Variants in AGAP1 observed in about 807,000 individuals in gnomAD.
AGAP1 encodes ArfGAP with GTPase domain, ankyrin repeat and PH domain 1, also known as arf-GAP with GTPase, ANK repeat and PH domain-containing protein 1.
Under a neutral mutation model 105.3 loss-of-function variants are expected in AGAP1, and 29 were observed. The observed-to-expected ratio is 0.28, with a 90% CI of 0.21 to 0.38. The LOEUF (loss-of-function observed/expected upper bound fraction) is 0.38. Ranked by LOEUF, AGAP1 falls within the 10% of genes least tolerant of loss-of-function variation. The pLI is 1.00. For missense variants in AGAP1, 998 were observed against 1,165.1 expected, an observed-to-expected ratio of 0.86 and a Z score of 2.09; for synonymous variants, 509 against 485.9, an observed-to-expected ratio of 1.05 and a Z score of -0.63.
chr2:235,568,687 C>T (rs896277801), intron 1 of AGAP1, among the ~76,000 whole-genome samples: 1 of 152,202 alleles, frequency 6.6e-6, no homozygotes, highest in African/African-American at 2.4e-5. Context: ...TGAAAAACAG[C>T]ACACGTCATT....
intron 2 of AGAP1, among the ~76,000 whole-genome samples, chr2:235,710,814 G>A (rs534233176): frequency 6.6e-6 from 1 of 152,158 alleles, no homozygotes; most frequent in African/African-American, 2.4e-5. Context: ...TGCCACTCGG[G>A]TGCTGTGATG....
At chr2:235,743,225 G>A (rs1428393605) in intron 4 of AGAP1, among the ~76,000 whole-genome samples, 1 of 152,178 alleles carries the variant, frequency 6.6e-6, no homozygotes, top group Non-Finnish European at 1.5e-5. Context: ...TTAGATTGGG[G>A]GGTTATTTAT....
At chr2:235,564,105 G>T (rs1574855098) in intron 1 of AGAP1, among the ~76,000 whole-genome samples, 2 of 152,148 alleles carry the variant, frequency 1.3e-5, no homozygotes, top group African/African-American at 4.8e-5. Context: ...ATTAGCTTTT[G>T]TCAATGTACG....
At position 235,931,039 on chromosome 2, in the gene AGAP1, T is replaced by A; in HGVS notation, c.1483+116T>A. On this transcript the variant is annotated intron_variant, in intron 12 of 17. Coordinates refer to ENST00000304032, the MANE Select transcript of AGAP1 (RefSeq NM_001037131.3). This position sits in a 1 kb window ranked among gnomAD's most constrained non-coding sequence, Gnocchi z 5.6. ...GCTCCTCTGGGAGCGCAGCACCCTG[T>A]GGGGCGGCTGCATCAGAGACTCACA... 2 of 1,207,906 alleles carry A rather than the reference T, an allele frequency of 1.7e-6. No homozygotes were observed. The highest frequency in any genetic ancestry group is 2.2e-6 in the Non-Finnish European group (2 of 890,790). 74.8% of individuals were successfully genotyped at this position (1,207,906 alleles called of 1,614,324 possible).
chr2:235,813,471 G>C (rs1262631463), intron 9 of AGAP1, among the ~76,000 whole-genome samples: 1 of 152,232 alleles, frequency 6.6e-6, no homozygotes, highest in Non-Finnish European at 1.5e-5. Flanking sequence ...ATTGTCCAGA[G>C]CTGGTGAAAC....
chr2:235,883,533 C>A lies in AGAP1; in HGVS notation c.1155+84C>A, dbSNP rs2050131884. 4.5e-6 allele frequency: 5 copies of A among 1,102,276 alleles called. No individual in the cohort carries two copies. The highest frequency in any genetic ancestry group is 3.2e-5 in the African/African-American group (2 of 63,450). The allele number at this position is 1,102,276 out of a possible 1,614,324, so 68.3% of individuals were successfully genotyped here. A position where few individuals can be genotyped will look rare whatever the true frequency, so the allele number is the denominator to read the frequency against. ...GAAGGGGAACCTACCAGCAGCCCAG[C>A]CTCTTGTCTCTGTTTGAAGTGAAAG... On this transcript the variant is annotated intron_variant, in intron 10 of 17. Coordinates refer to ENST00000304032, the MANE Select transcript of AGAP1 (RefSeq NM_001037131.3). The surrounding 1 kb of genome is among the most constrained non-coding windows in gnomAD (Gnocchi z 4.5).
intron 1 of AGAP1, among the ~76,000 whole-genome samples, chr2:235,697,852 G>A (rs909930306): frequency 3.9e-5 from 6 of 152,172 alleles, no homozygotes; most frequent in Non-Finnish European, 7.3e-5. Flanking sequence ...TAAATATCTT[G>A]TCTCCTGCGT....
At chr2:235,544,323 A>G (rs891084757) in intron 1 of AGAP1, among the ~76,000 whole-genome samples, 3 of 152,068 alleles carry the variant, frequency 2.0e-5, no homozygotes, top group Non-Finnish European at 4.4e-5. Flanking sequence ...CGCACCACCT[A>G]GGTTTGTGCC....
At chr2:236,047,718 G>T (rs73125512) in intron 15 of AGAP1, among the ~76,000 whole-genome samples, 9,204 of 144,974 alleles carry the variant, frequency 0.063, 791 homozygotes, top group African/African-American at 0.2. Context: ...TCCAGCCTCA[G>T]CCTCTCAAGG....
At position 236,096,492 on chromosome 2, in the gene AGAP1, C is replaced by T. The variant is rs1017873587; in HGVS notation, c.2115-23700C>T. ...CTCCAGCCTTGGGGACAGAGTGAGC[C>T]TCCATCTCAAAAAAAAAAAAGCTTC... On this transcript the variant is annotated intron_variant, in intron 16 of 17. Transcript: ENST00000304032. This position sits in a 1 kb window ranked among gnomAD's most constrained non-coding sequence, Gnocchi z 4.4. Among the ~76,000 whole-genome samples, 6 of 150,022 alleles carry T rather than the reference C, an allele frequency of 4.0e-5. No homozygotes were observed. Among genetic ancestry groups the T allele is most frequent in the Non-Finnish European group, 8.9e-5 (6 of 67,738 alleles).
At chr2:235,974,758 C>T (rs2054787996) in intron 13 of AGAP1, among the ~76,000 whole-genome samples, 1 of 152,228 alleles carries the variant, frequency 6.6e-6, no homozygotes, top group Non-Finnish European at 1.5e-5. Context: ...CTTAGTTTCC[C>T]TTCACTCTTT....
At position 236,044,981 on chromosome 2, in the gene AGAP1, C is replaced by T. The variant is rs1034552125; in HGVS notation, c.1892-4078C>T. Among the ~76,000 whole-genome samples the T allele has an allele frequency of 3.3e-5, 5 of 152,198 alleles. No individual in the cohort carries two copies. The highest frequency in any genetic ancestry group is 7.3e-5 in the Non-Finnish European group (5 of 68,038). ...CTGTCCATGATTGCAGCAGTGCAATCATGGCTCACTGCAGCCTTGAACTCT... is the reference window on the plus strand; with the variant it reads ...CTGTCCATGATTGCAGCAGTGCAATTATGGCTCACTGCAGCCTTGAACTCT... On this transcript the variant is annotated intron_variant, in intron 15 of 17. Coordinates refer to ENST00000304032, the MANE Select transcript of AGAP1 (RefSeq NM_001037131.3). The surrounding 1 kb of genome is among the most constrained non-coding windows in gnomAD (Gnocchi z 5.7).
rs2054205403 is a variant in AGAP1, at chr2:235,961,944, A to G, written c.1484-6518A>G. Among the ~76,000 whole-genome samples, 1 of 152,056 alleles carries G rather than the reference A, an allele frequency of 6.6e-6. No individual in the cohort carries two copies. The highest frequency in any genetic ancestry group is 1.5e-5 in the Non-Finnish European group (1 of 68,008). ...GGTGAGCGAGGGTGGGTGAGCATCC[A>G]TTTCCCAGGGGAGGGGCCCCGCGCC... On this transcript the variant is annotated intron_variant, in intron 12 of 17. Coordinates refer to ENST00000304032, the MANE Select transcript of AGAP1 (RefSeq NM_001037131.3). This position sits in a 1 kb window ranked among gnomAD's most constrained non-coding sequence, Gnocchi z 5.9.
intron 16 of AGAP1, among the ~76,000 whole-genome samples, chr2:236,118,132 A>C (rs1431964490): frequency 6.6e-6 from 1 of 152,202 alleles, no homozygotes. Flanking sequence ...CAATGTAAAC[A>C]CGGGTAAAAG....
At chr2:235,786,012 C>CTT (rs1956612237) in intron 6 of AGAP1, among the ~76,000 whole-genome samples, 1 of 152,208 alleles carries the variant, frequency 6.6e-6, no homozygotes, top group Non-Finnish European at 1.5e-5. Flanking sequence ...TGAGCCTTCA[C>CTT]CTTCAGGGGA....
In AGAP1 at chr2:235,673,444, G is replaced by A. The variant is rs543266262; in HGVS notation, c.164-35735G>A. Among the ~76,000 whole-genome samples, 35 of 152,310 alleles carry A rather than the reference G, an allele frequency of 2.3e-4. No homozygotes were observed. The East Asian group carries it at 6.0e-3, about 26-fold the overall frequency. ...TAGGACTCGGAAATTTTGGATCTGAGGAAGGTAAAATGGTGTGTGTTATAT... is the reference window on the plus strand; with the variant it reads ...TAGGACTCGGAAATTTTGGATCTGAAGAAGGTAAAATGGTGTGTGTTATAT... On this transcript the variant is annotated intron_variant, in intron 1 of 17. Coordinates refer to ENST00000304032, the MANE Select transcript of AGAP1 (RefSeq NM_001037131.3).
intron 9 of AGAP1, among the ~76,000 whole-genome samples, chr2:235,840,422 G>A (rs1960679562): frequency 6.6e-6 from 1 of 152,262 alleles, no homozygotes; most frequent in African/African-American, 2.4e-5. Context: ...CCCAGAAAGT[G>A]TTAGAAACAG....
intron 2 of AGAP1, 30 bp downstream of exon 2, chr2:235,709,267 G>A (rs756997188): frequency 2.7e-5 from 43 of 1,611,408 alleles, no homozygotes; most frequent in Non-Finnish European, 3.6e-5. Flanking sequence ...CCTGGCACCT[G>A]TGGGAAGGGA....
chr2:236,059,127 G>A (rs554933291), intron 16 of AGAP1, among the ~76,000 whole-genome samples: 1 of 150,794 alleles, frequency 6.6e-6, no homozygotes, highest in South Asian at 2.1e-4. Context: ...AGGAGTTCAA[G>A]ACCAGCCTGG....
Sources: allele counts gnomAD v4.1 joint callset (sites outside exome capture counted in the v4.1 genomes callset), GRCh38; gene constraint gnomAD v4.1.1; non-coding constraint Gnocchi (gnomAD v3.1); transcripts MANE v1.5; gene names NCBI Gene and HGNC (gene_info 2026-07-23, HGNC 2026-07-21).